The following TMC2 variants were observed in gnomAD, a reference collection of about 807,000 sequenced individuals.
TMC2 encodes transmembrane channel like 2.
Under a neutral mutation model 105.9 loss-of-function variants are expected in TMC2, and 102 were observed. The ratio of observed to expected loss-of-function variants is 0.96; its 90% confidence interval spans 0.82 to 1.14. TMC2 has a LOEUF of 1.14. Among genes scored for constraint, TMC2 ranks in the 50% most tolerant of loss-of-function variants. The pLI is 0.00. For missense variants in TMC2, 1,093 were observed against 1,134.3 expected (o/e 0.96, Z 0.52); for synonymous variants, 402 against 422.8 (o/e 0.95, Z 0.60).
At chr20:2,544,312 G>T (rs1210796748) in intron 2 of TMC2, among the ~76,000 whole-genome samples, 1 of 152,108 alleles carries the variant, frequency 6.6e-6, no homozygotes, top group East Asian at 1.9e-4. Flanking sequence ...TCCCACATCT[G>T]AATGCTGGCA....
At position 2,616,262 on chromosome 20, in the gene TMC2, C is replaced by A. The variant is rs2086481125; in HGVS notation, c.1940+58C>A. ...ATCCAAGGAGTCAAAAAACTGGAATCCCAGACTTTGCAACTTAACTAGTTG... is the reference window on the plus strand; with the variant it reads ...ATCCAAGGAGTCAAAAAACTGGAATACCAGACTTTGCAACTTAACTAGTTG... On this transcript the variant is annotated intron_variant, in intron 15 of 19. Transcript: ENST00000358864. The surrounding 1 kb of genome is among the most constrained non-coding windows in gnomAD (Gnocchi z 4.8). 1.4e-6 allele frequency: 2 copies of A among 1,457,162 alleles called. No individual in the cohort carries two copies. The highest frequency in any genetic ancestry group is 1.9e-6 in the Non-Finnish European group (2 of 1,037,686). The allele number at this position is 1,457,162 out of a possible 1,614,324, so 90.3% of individuals were successfully genotyped here.
chr20:2,557,867 C>T (rs180836890), intron 2 of TMC2, among the ~76,000 whole-genome samples: 2 of 152,270 alleles, frequency 1.3e-5, no homozygotes, highest in Admixed American at 6.5e-5. Context: ...GAATAGGTGG[C>T]CTTTGGACCT....
Position 2,637,561 on chromosome 20 carries a change from A to T in TMC2, c.2473A>T (p.Asn825Tyr). ...SEDTPKSSSK[N>Y]ATQLQLTKEE... ...GGACACACCTAAAAGCAGCTCCAAA[A>T]ATGCCACCCAGCTCCAACTCACCAA... Residue 825 changes from asparagine to tyrosine, a missense_variant, in exon 19 of 20, where the codon AAT becomes TAT. Coordinates refer to ENST00000358864, the MANE Select transcript of TMC2 (RefSeq NM_080751.3). 6.2e-7 allele frequency: 1 copy of T among 1,613,912 alleles called. No homozygotes were observed. The highest frequency in any genetic ancestry group is 2.2e-5 in the East Asian group (1 of 44,878).
At chr20:2,574,670 G>A (rs935244555) in intron 5 of TMC2, among the ~76,000 whole-genome samples, 7 of 152,006 alleles carry the variant, frequency 4.6e-5, no homozygotes, top group African/African-American at 1.7e-4. Context: ...ACAGAAAGTC[G>A]CATATGGTAG....
At chr20:2,603,844 G>A (rs2086369665) in intron 11 of TMC2, among the ~76,000 whole-genome samples, 1 of 152,094 alleles carries the variant, frequency 6.6e-6, no homozygotes, top group South Asian at 2.1e-4. Flanking sequence ...TAGGGCCAGT[G>A]TCTTAGCCTA....
chr20:2,600,997 A>G (rs916830272), intron 10 of TMC2, among the ~76,000 whole-genome samples: 3 of 151,592 alleles, frequency 2.0e-5, no homozygotes, highest in Admixed American at 6.6e-5. Context: ...AAAAAAAAAA[A>G]AAAAAAAAGA....
chr20:2,580,400 G>C (rs41308078), intron 7 of TMC2, among the ~76,000 whole-genome samples: 1 of 152,036 alleles, frequency 6.6e-6, no homozygotes, highest in East Asian at 1.9e-4. Flanking sequence ...TTAATTAGTA[G>C]GTGAATCTTA....
chr20:2,603,055 A>C (rs2086363363), intron 11 of TMC2, among the ~76,000 whole-genome samples: 1 of 152,226 alleles, frequency 6.6e-6, no homozygotes. Context: ...GGGAACCCTG[A>C]GACCTTCGTC....
rs2146210890 is a variant in TMC2 at position 2,592,564 on chromosome 20, C to T, written c.933+156C>T. Among the ~76,000 whole-genome samples, 1 of 152,312 alleles carries T rather than the reference C, an allele frequency of 6.6e-6. No homozygotes were observed. Among genetic ancestry groups the T allele is most frequent in the East Asian group, 1.9e-4 (1 of 5,192 alleles). On this transcript the variant is annotated intron_variant, in intron 8 of 19. Coordinates refer to ENST00000358864, the MANE Select transcript of TMC2 (RefSeq NM_080751.3). This position sits in a 1 kb window ranked among gnomAD's most constrained non-coding sequence, Gnocchi z 4.9. ...AATGAGCTTGCAAACCATGTCTCTG[C>T]ACAGTCTTCCCGGGTCTCCTTCACG...
chr20:2,595,043 T>A, intron 9 of TMC2, 76 bp downstream of exon 9: 1 of 1,490,302 alleles, frequency 6.7e-7, no homozygotes, highest in Non-Finnish European at 9.1e-7. Flanking sequence ...TATGCCTACC[T>A]CCCTTCTGGT....
chr20:2,580,745 G>T (rs2086183511), intron 7 of TMC2, among the ~76,000 whole-genome samples: 1 of 152,036 alleles, frequency 6.6e-6, no homozygotes, highest in Admixed American at 6.6e-5. Context: ...ACCATACCTG[G>T]CCCCAGATAT....
At position 2,537,303 on chromosome 20, in the gene TMC2, C is replaced by T; in HGVS notation, c.69C>T (p.Gly23=). 6.2e-7 allele frequency: 1 copy of T among 1,602,740 alleles called. No individual in the cohort carries two copies. Among genetic ancestry groups the T allele is most frequent in the Non-Finnish European group, 8.5e-7 (1 of 1,174,872 alleles). ...RGGVKGRVKS[G]SPHTGDRLGR... ...GAGTGAAAGGGCGGGTGAAGAGCGG[C>T]TCTCCACACACAGGTGAGATGGGGT... Residue 23 remains glycine (G), a synonymous_variant, in exon 2 of 20, where the codon GGC becomes GGT. Coordinates refer to ENST00000358864, the MANE Select transcript of TMC2 (RefSeq NM_080751.3).
At chr20:2,579,278 C>T (rs1206190484) in intron 6 of TMC2, 51 bp downstream of exon 6, 1 of 1,137,366 alleles carries the variant, frequency 8.8e-7, no homozygotes, top group East Asian at 2.4e-5. Context: ...AAAGCGTTTC[C>T]CAAGAGCTTG....
chr20:2,555,514 T>C (rs139575136), intron 2 of TMC2, among the ~76,000 whole-genome samples: 293 of 152,352 alleles, frequency 1.9e-3, no homozygotes, highest in African/African-American at 6.6e-3. Flanking sequence ...ACTTTTAATC[T>C]ATAAGTCTGT....
At chr20:2,572,092 TCA>T in intron 4 of TMC2, 85 bp from the exon 5 acceptor site, 1 of 990,082 alleles carries the variant, frequency 1.0e-6, no homozygotes, top group Non-Finnish European at 1.6e-6. Flanking sequence ...ACATAAGCCT[TCA>T]CACATGTGTT....
rs187976708 is a variant in TMC2 at position 2,553,023 on chromosome 20, T to C, written c.83-5433T>C. Among the ~76,000 whole-genome samples, 3 of 152,356 alleles carry C rather than the reference T, an allele frequency of 2.0e-5. No individual in the cohort carries two copies. The East Asian group carries it at 5.8e-4, about 29-fold the overall frequency. On this transcript the variant is annotated intron_variant, in intron 2 of 19. Transcript: ENST00000358864. Reference sequence around the variant, plus strand: ...TGTCAATTCTTTGAGATTTTCTACATAGACAATTATACTATCTGTGAACAA... The same window carrying C: ...TGTCAATTCTTTGAGATTTTCTACACAGACAATTATACTATCTGTGAACAA...
chr20:2,623,327 C>T (rs2086539151), intron 16 of TMC2, among the ~76,000 whole-genome samples: 1 of 152,080 alleles, frequency 6.6e-6, no homozygotes, highest in East Asian at 1.9e-4. Flanking sequence ...CATTTGAGGT[C>T]AGAAGTTTGA....
chr20:2,600,248 T>G (rs1030717654), intron 10 of TMC2, among the ~76,000 whole-genome samples: 1 of 152,248 alleles, frequency 6.6e-6, no homozygotes. Flanking sequence ...AGAATAGATG[T>G]GAAAATTCTG....
In TMC2 at chr20:2,561,924, C is replaced by T. The variant is rs750470251; in HGVS notation, c.468C>T (p.Ile156=). 6.2e-7 allele frequency: 1 copy of T among 1,614,232 alleles called. No homozygotes were observed. The highest frequency in any genetic ancestry group is 2.2e-5 in the East Asian group (1 of 44,890). Residue 156 remains isoleucine (I), a synonymous_variant, in exon 4 of 20, where the codon ATC becomes ATT. Coordinates refer to ENST00000358864, the MANE Select transcript of TMC2 (RefSeq NM_080751.3). ...ESLSEEELAQ[I]LEQVEEKKKL... is the part of the protein sequence containing the mutation. ...TGTCCGAGGAGGAACTGGCCCAGAT[C>T]CTGGAGCAGGTGGAAGAAAAAAAGA...
Sources: gnomAD v4.1 joint callset for allele counts (sites outside exome capture counted in the v4.1 genomes callset) on GRCh38, gnomAD v4.1.1 for gene constraint, Gnocchi (gnomAD v3.1) non-coding constraint, MANE v1.5 for transcripts, NCBI Gene and HGNC (gene_info 2026-07-23, HGNC 2026-07-21) for gene names.